DNAH8: variants seen among roughly 807,000 people sequenced by gnomAD.
DNAH8 encodes dynein axonemal heavy chain 8, also known as axonemal beta dynein heavy chain 8.
DNAH8 carries 382 observed loss-of-function variants against 562.1 expected under a neutral mutation model. The observed-to-expected ratio is 0.68, with a 90% CI of 0.63 to 0.74. DNAH8 has a LOEUF of 0.74. Ranked by LOEUF, DNAH8 falls within the 30% of genes least tolerant of loss-of-function variation. The pLI, the probability that DNAH8 is intolerant of heterozygous loss-of-function variation, is 0.00. For missense variants in DNAH8, 5,203 were observed against 5,620.4 expected, an observed-to-expected ratio of 0.93 and a Z score of 2.37; for synonymous variants, 1,881 against 1,919.4, an observed-to-expected ratio of 0.98 and a Z score of 0.52.
chr6:38,781,343 C>G lies in DNAH8; in HGVS notation c.2229C>G (p.Arg743=). 1 of 1,613,592 alleles carries G rather than the reference C, an allele frequency of 6.2e-7. No homozygotes were observed. The highest frequency in any genetic ancestry group is 1.3e-5 in the African/African-American group (1 of 74,980). The change falls in exon 16 of 93, where the codon CGC becomes CGG. Residue 743 remains arginine, a synonymous_variant. Coordinates refer to ENST00000327475, the MANE Select transcript of DNAH8 (RefSeq NM_001206927.2). ...GKILWVRQLY[R]RISEPINYFF... ...TACTCTGGGTGAGGCAGCTCTATCG[C>G]CGGATAAGTGAGCCCATCAATTATT...
chr6:38,807,645 A>G lies in DNAH8; in HGVS notation c.3186A>G (p.Gln1062=), dbSNP rs1487614389. ...CKEVFAFFSH[Q]LLDSLQKATR... The stretch of plus-strand genomic sequence containing the variant: ...AGGTCTTTGCTTTTTTCTCTCATCA[A>G]TTACTAGACAGTCTTCAAAAAGCTA... The change falls in exon 24 of 93, where the codon CAA becomes CAG. Residue 1062 remains glutamine, a synonymous_variant. Coordinates refer to ENST00000327475, the MANE Select transcript of DNAH8 (RefSeq NM_001206927.2). 6.4e-7 allele frequency: 1 copy of G among 1,561,518 alleles called. No individual in the cohort carries two copies. Among genetic ancestry groups the G allele is most frequent in the Admixed American group, 1.9e-5 (1 of 51,588 alleles).
chr6:38,818,099 T>C (rs1772455377), intron 26 of DNAH8, among the ~76,000 whole-genome samples: 1 of 152,112 alleles, frequency 6.6e-6, no homozygotes, highest in African/African-American at 2.4e-5. Flanking sequence ...GAGATTATGG[T>C]GTTTGGGATT....
chr6:38,758,763 C>T (rs1766184397), intron 10 of DNAH8, among the ~76,000 whole-genome samples: 2 of 152,078 alleles, frequency 1.3e-5, no homozygotes, highest in Non-Finnish European at 2.9e-5. Flanking sequence ...TGTCAAAGGC[C>T]TTATCTGCAT....
chr6:38,988,326 T>C (rs1405522592), intron 87 of DNAH8, among the ~76,000 whole-genome samples: 1 of 152,200 alleles, frequency 6.6e-6, no homozygotes. Context: ...CAGCTATTTG[T>C]ATGTGTATAA....
chr6:38,958,394 GAA>G (rs1197825309), intron 82 of DNAH8, among the ~76,000 whole-genome samples: 2 of 95,584 alleles, frequency 2.1e-5, no homozygotes, highest in African/African-American at 7.1e-5. Flanking sequence ...GCCAGACTAA[GAA>G]AAAAAGAGAT....
At chr6:38,721,619 TA>T (rs1363565065) in intron 1 of DNAH8, among the ~76,000 whole-genome samples, 3 of 152,212 alleles carry the variant, frequency 2.0e-5, no homozygotes, top group Admixed American at 2.0e-4. Context: ...TGACACATTC[TA>T]GGGGACAGTG....
Position 38,909,522 on chromosome 6 carries a change from G to T in DNAH8, c.9518G>T (p.Gly3173Val), listed in dbSNP as rs749273003. The change falls in exon 65 of 93, where the codon GGT (glycine) becomes GTT (valine). Residue 3173 changes from glycine (G) to valine (V), a missense_variant. By Grantham distance (109) the Gly-to-Val change is moderately radical. Coordinates refer to ENST00000327475, the MANE Select transcript of DNAH8 (RefSeq NM_001206927.2). ...TGTTGACTTTGCTATCAATAGGTTGGTGAGAAGTTCCGTGCCCGTTCTTTG... is the reference window on the plus strand; with the variant it reads ...TGTTGACTTTGCTATCAATAGGTTGTTGAGAAGTTCCGTGCCCGTTCTTTG... Reference protein sequence around the residue: ...LHVVLCFSPVGEKFRARSLKF... With the variant: ...LHVVLCFSPVVEKFRARSLKF... 14 of 1,613,904 alleles carry T rather than the reference G, an allele frequency of 8.7e-6. No individual in the cohort carries two copies. The South Asian group carries it at 1.2e-4, about 14-fold the overall frequency.
rs149537455 is a variant in DNAH8 at position 38,719,171 on chromosome 6, C to T, written c.-34-3605C>T. Among the ~76,000 whole-genome samples the T allele has an allele frequency of 2.5e-3, 378 of 152,280 alleles. 5 individuals carry two copies. The East Asian group carries it at 0.028, about 11-fold the overall frequency. Reference sequence around the variant, plus strand: ...TGTCTGGGCTGGATTTCAGGCAAGACATCTAGGGGGTGCTACATTAGCTGT... The same window carrying T: ...TGTCTGGGCTGGATTTCAGGCAAGATATCTAGGGGGTGCTACATTAGCTGT... On this transcript the variant is annotated intron_variant, in intron 1 of 92. Transcript: ENST00000327475.
rs759134218 is a variant in DNAH8 at position 38,862,329 on chromosome 6, C to T, written c.6181C>T (p.Pro2061Ser). ...QALGMNMGGA[P>S]AGPAGTGKTE... ...CTTGGGCATGAACATGGGAGGTGCT[C>T]CCGCAGGACCTGCTGGCACTGGCAA... The change falls in exon 44 of 93, where the codon CCC (proline) becomes TCC (serine). Residue 2061 changes from proline (P) to serine (S), a missense_variant. Pro to Ser is a moderately conservative substitution (Grantham distance 74). Transcript: ENST00000327475. The T allele has an allele frequency of 7.9e-5, 128 of 1,613,942 alleles. No homozygotes were observed. The highest frequency in any genetic ancestry group is 1.0e-4 in the Non-Finnish European group (123 of 1,179,984).
At chr6:38,772,731 T>A (rs2127625016) in intron 12 of DNAH8, among the ~76,000 whole-genome samples, 1 of 152,214 alleles carries the variant, frequency 6.6e-6, no homozygotes, top group Middle Eastern at 3.4e-3. Flanking sequence ...ATGTTTTTCT[T>A]TTGTTTTCTT....
chr6:38,837,604 T>G lies in DNAH8; in HGVS notation c.4366-338T>G, dbSNP rs140210657. ...CCCTGTAGGATAGAGATGGCCAGTC[T>G]AAATTACTGAAAAATCCTGAATTGT... On this transcript the variant is annotated intron_variant, in intron 32 of 92. Transcript: ENST00000327475. Among the ~76,000 whole-genome samples, 524 of 152,344 alleles carry G rather than the reference T, an allele frequency of 3.4e-3. 6 individuals carry two copies. Among genetic ancestry groups the G allele is most frequent in the African/African-American group, 0.012 (507 of 41,582 alleles).
At chr6:38,785,185 C>T (rs1473416941) in intron 17 of DNAH8, among the ~76,000 whole-genome samples, 1 of 152,176 alleles carries the variant, frequency 6.6e-6, no homozygotes. Context: ...TAACTTCTTT[C>T]ATTTCATTTC....
chr6:38,824,456 G>A (rs2150339973), intron 28 of DNAH8, among the ~76,000 whole-genome samples: 1 of 152,264 alleles, frequency 6.6e-6, no homozygotes. Flanking sequence ...GAGAACTGAT[G>A]TTGACTTGGT....
At chr6:38,827,547 T>A (rs560364517) in intron 29 of DNAH8, among the ~76,000 whole-genome samples, 1 of 152,046 alleles carries the variant, frequency 6.6e-6, no homozygotes, top group Non-Finnish European at 1.5e-5. Flanking sequence ...TATTTATGAC[T>A]GTTTTATGCT....
chr6:38,827,800 G>T (rs1424611912), intron 29 of DNAH8, among the ~76,000 whole-genome samples: 1 of 115,884 alleles, frequency 8.6e-6, no homozygotes, highest in Non-Finnish European at 1.7e-5. Flanking sequence ...TCATCCCTTG[G>T]AGCCTGGATC....
chr6:38,986,889 T>A (rs1764435377), intron 87 of DNAH8, among the ~76,000 whole-genome samples: 1 of 152,234 alleles, frequency 6.6e-6, no homozygotes, highest in Non-Finnish European at 1.5e-5. Context: ...ACATTTGAGA[T>A]GTCTATTAGA....
At chr6:38,973,213 G>A (rs1232397584) in intron 83 of DNAH8, among the ~76,000 whole-genome samples, 4 of 152,180 alleles carry the variant, frequency 2.6e-5, no homozygotes, top group South Asian at 2.1e-4. Context: ...GTCACCAAAC[G>A]TATTGTCTCC....
At chr6:38,932,135 T>C in intron 76 of DNAH8, 142 bp downstream of exon 76, 1 of 538,696 alleles carries the variant, frequency 1.9e-6, no homozygotes, top group Non-Finnish European at 3.1e-6. Flanking sequence ...TTTTGCAGCC[T>C]TAATTCCTGT....
Position 38,926,154 on chromosome 6 carries a change from C to G in DNAH8, c.11062C>G (p.Pro3688Ala). The change falls in exon 74 of 93, where the codon CCA (proline) becomes GCA (alanine). Residue 3688 changes from proline (P) to alanine (A), a missense_variant. Pro to Ala is a conservative substitution (Grantham distance 27). This residue lies in a region of DNAH8 where 1,399 missense variants were observed against 1,518.4 expected (regional missense o/e 0.92). Transcript: ENST00000327475. ...CACCAGATACCCACTCCTCATAGAC[C>G]CACAAACTCAAGGCAAAACTTGGAT... ...KATRYPLLID[P>A]QTQGKTWIKS... 6.2e-7 allele frequency: 1 copy of G among 1,613,528 alleles called. No homozygotes were observed. The highest frequency in any genetic ancestry group is 1.1e-5 in the South Asian group (1 of 91,018).
Sources: gnomAD v4.1 joint callset for allele counts (sites outside exome capture counted in the v4.1 genomes callset) on GRCh38, gnomAD v4.1.1 for gene constraint, gnomAD v4.1.1 regional missense constraint, MANE v1.5 for transcripts, NCBI Gene and HGNC (gene_info 2026-07-23, HGNC 2026-07-21) for gene names.